Variants in STEAP3 observed in about 807,000 individuals in gnomAD.
STEAP3 encodes metalloreductase STEAP3.
A neutral mutation model predicts 34.9 loss-of-function variants in STEAP3; 35 were observed. The ratio of observed to expected loss-of-function variants is 1.00; its 90% CI spans 0.76 to 1.33. The LOEUF is 1.33. Ranked by LOEUF, STEAP3 falls within the 40% of genes most tolerant of loss-of-function variation. The probability of loss-of-function intolerance (pLI) is 0.00; values close to 1 mark genes in which losing one functional copy is unlikely to be tolerated. For missense variants in STEAP3, 652 were observed against 667.6 expected, an observed-to-expected ratio of 0.98 and a Z score of 0.26; for synonymous variants, 281 against 301.6, an observed-to-expected ratio of 0.93 and a Z score of 0.71.
intron 4 of STEAP3, among the ~76,000 whole-genome samples, chr2:119,254,297 C>T (rs1677710716): frequency 1.3e-5 from 2 of 152,072 alleles, no homozygotes; most frequent in Non-Finnish European, 2.9e-5. Flanking sequence ...TTCTGGTTGA[C>T]TCCTTACTCT....
intron 2 of STEAP3, among the ~76,000 whole-genome samples, chr2:119,231,975 G>A (rs2104793913): frequency 6.6e-6 from 1 of 152,338 alleles, no homozygotes; most frequent in Admixed American, 6.5e-5. Flanking sequence ...CCTGGGATCA[G>A]GTGGGGCTTC....
chr2:119,247,126 T>C lies in STEAP3; in HGVS notation c.523-553T>C, dbSNP rs116627812. On this transcript the variant is annotated intron_variant, in intron 3 of 5. Transcript: ENST00000393110. ...TGTGCCTGCAGGGGGACCTCGTGGG[T>C]CAGAGCAGCGGGCTTCAAGGCGGAG... 8.4e-3 allele frequency among the ~76,000 whole-genome samples: 1,277 copies of C among 152,028 alleles called. 16 individuals carry two copies. The highest frequency in any genetic ancestry group is 0.029 in the African/African-American group (1,205 of 41,440).
intron 4 of STEAP3, 62 bp downstream of exon 4, chr2:119,248,268 C>A: frequency 6.7e-7 from 1 of 1,494,760 alleles, no homozygotes; most frequent in Middle Eastern, 1.8e-4. Context: ...AGCACCTCCC[C>A]CCCCCACCAA....
chr2:119,261,773 G>A (rs1677948738), intron 5 of STEAP3, among the ~76,000 whole-genome samples: 1 of 152,194 alleles, frequency 6.6e-6, no homozygotes, highest in African/African-American at 2.4e-5. Context: ...GAGTCATAGA[G>A]CAGCACTTCC....
chr2:119,245,051 C>T, intron 2 of STEAP3: 1 of 176,830 alleles, frequency 5.7e-6, no homozygotes. Flanking sequence ...TAGGGACATG[C>T]TCACCCTTCC....
intron 2 of STEAP3, among the ~76,000 whole-genome samples, chr2:119,233,815 C>T (rs1190701118): frequency 1.3e-5 from 2 of 152,206 alleles, no homozygotes; most frequent in Non-Finnish European, 2.9e-5. Flanking sequence ...CTGCCTGGAC[C>T]AGACTTTTGA....
intron 2 of STEAP3, among the ~76,000 whole-genome samples, chr2:119,238,198 CTG>C (rs1188624078): frequency 6.6e-6 from 1 of 152,194 alleles, no homozygotes; most frequent in Admixed American, 6.5e-5. Flanking sequence ...CATATAGAAA[CTG>C]TTTAACGTTT....
Position 119,265,040 on chromosome 2 carries a change from C to T in STEAP3, c.*1702C>T, listed in dbSNP as rs1678068081. 6.6e-6 allele frequency: 1 copy of T among 152,244 alleles called. No homozygotes were observed. Among genetic ancestry groups the T allele is most frequent in the Admixed American group, 6.5e-5 (1 of 15,282 alleles). The allele number at this position is 152,244 out of a possible 1,614,324, so 9.4% of individuals were successfully genotyped here. A position where few individuals can be genotyped will look rare whatever the true frequency, so the allele number is the denominator to read the frequency against. On this transcript the variant is annotated 3_prime_UTR_variant, in exon 6 of 6. Transcript: ENST00000393110. ...CTGATGGAGCATCAGCTGTGGCCCA[C>T]AGAGAGCCTTGCTGAGAAGGGGGCA...
chr2:119,250,187 C>A (rs1213935180), intron 4 of STEAP3, among the ~76,000 whole-genome samples: 1 of 152,240 alleles, frequency 6.6e-6, no homozygotes, highest in Non-Finnish European at 1.5e-5. Flanking sequence ...GATTTCAGAA[C>A]TAGGTCATTC....
At chr2:119,232,773 C>G (rs535724258) in intron 2 of STEAP3, among the ~76,000 whole-genome samples, 14 of 152,072 alleles carry the variant, frequency 9.2e-5, no homozygotes, top group South Asian at 4.2e-4. Context: ...GAAGGGTGAT[C>G]GAGATGGTGG....
intron 5 of STEAP3, among the ~76,000 whole-genome samples, chr2:119,255,531 T>G (rs986304201): frequency 6.6e-6 from 1 of 152,162 alleles, no homozygotes. Context: ...AAACAAACCT[T>G]TGTTAATCAG....
At chr2:119,254,635 G>A in intron 4 of STEAP3, 49 bp from the exon 5 acceptor site, 2 of 1,607,724 alleles carry the variant, frequency 1.2e-6, no homozygotes, top group Non-Finnish European at 8.5e-7. Context: ...CCCTCCCGGG[G>A]CACCAGCCTT....
intron 4 of STEAP3, among the ~76,000 whole-genome samples, chr2:119,252,361 G>A (rs1677650312): frequency 6.6e-6 from 1 of 152,208 alleles, no homozygotes; most frequent in South Asian, 2.1e-4. Context: ...TATGCCCCAA[G>A]GTTGCCCTTC....
At chr2:119,244,047 A>G (rs1288756482) in intron 2 of STEAP3, among the ~76,000 whole-genome samples, 2 of 152,208 alleles carry the variant, frequency 1.3e-5, no homozygotes, top group Non-Finnish European at 2.9e-5. Context: ...ATGTTCTTAC[A>G]TGCACCAGAC....
chr2:119,261,300 T>A (rs1047335040), intron 5 of STEAP3, among the ~76,000 whole-genome samples: 4 of 152,090 alleles, frequency 2.6e-5, no homozygotes, highest in African/African-American at 9.7e-5. Flanking sequence ...TAGAAGGGAA[T>A]CCAGGAGGCT....
At position 119,247,824 on chromosome 2, in the gene STEAP3, AG is replaced by A; in HGVS notation, c.670del (p.Val224CysfsTer163). 3.7e-6 allele frequency: 6 copies of A among 1,612,996 alleles called. No homozygotes were observed. Among genetic ancestry groups the A allele is most frequent in the Non-Finnish European group, 5.1e-6 (6 of 1,179,978 alleles). On this transcript the variant is annotated frameshift_variant, in exon 4 of 6. Transcript: ENST00000393110. LOFTEE classifies it high-confidence loss of function. ...CCCCTGCGCCTCCTCCCGGCCTGGA[AG>A]GTGCCCACCCTGCTGGCCCTGGGGC... ...AMPLRLLPAW[K>X]VPTLLALGLF... is the part of the protein sequence containing the mutation.
intron 5 of STEAP3, chr2:119,257,797 C>T (rs1573579539): frequency 1.3e-5 from 16 of 1,236,090 alleles, no homozygotes; most frequent in African/African-American, 1.6e-5. Context: ...GCTATGGGGA[C>T]AGCCATGGTT....
intron 1 of STEAP3, among the ~76,000 whole-genome samples, chr2:119,229,436 G>A (rs745689230): frequency 7.9e-5 from 12 of 152,196 alleles, no homozygotes; most frequent in Non-Finnish European, 1.3e-4. Flanking sequence ...GAGGGGCCAC[G>A]TGCAGTGAGT....
intron 2 of STEAP3, among the ~76,000 whole-genome samples, chr2:119,243,036 G>T (rs368688318): frequency 2.6e-5 from 4 of 152,184 alleles, no homozygotes; most frequent in Non-Finnish European, 4.4e-5. Flanking sequence ...TGTGCCTGGC[G>T]TGAGTGTCTT....
Sources: allele counts gnomAD v4.1 joint callset (sites outside exome capture counted in the v4.1 genomes callset), GRCh38; gene constraint gnomAD v4.1.1; transcripts MANE v1.5; gene names NCBI Gene and HGNC (gene_info 2026-07-23, HGNC 2026-07-21).